Variants in ZNF444 observed in about 807,000 individuals in gnomAD.
The protein encoded by ZNF444 is endothelial zinc finger protein 2.
In ZNF444, 8 loss-of-function variants were observed where a neutral mutation model predicts 14.4. That is an observed-to-expected ratio of 0.56 (90% CI 0.33 to 1.00). The LOEUF (loss-of-function observed/expected upper bound fraction) is 1.00. Among genes scored for constraint, ZNF444 ranks in the 50% least tolerant of loss-of-function variants. The probability of loss-of-function intolerance (pLI) is 0.03; values close to 1 mark genes in which losing one functional copy is unlikely to be tolerated. For missense variants in ZNF444, 510 were observed against 504.8 expected (o/e 1.01, Z -0.10); for synonymous variants, 258 against 235.9 (o/e 1.09, Z -0.86).
chr19:56,158,760 T>C (rs2032065006), intron 4 of ZNF444, among the ~76,000 whole-genome samples, 158 bp downstream of exon 4: 1 of 151,916 alleles, frequency 6.6e-6, no homozygotes. Context: ...GCATTGGGGG[T>C]ATGGGTGGGC....
In ZNF444 at chr19:56,160,273, A is replaced by C; in HGVS notation, c.*72A>C. ...GCGGTACCTGCTCTCTCCCAGCGCC[A>C]CTTGGCCTCTTCCTCTCCTCCTTCC... On this transcript the variant is annotated 3_prime_UTR_variant, in exon 5 of 5. Coordinates refer to ENST00000337080, the MANE Select transcript of ZNF444 (RefSeq NM_018337.4). 1 of 1,266,614 alleles carries C rather than the reference A, an allele frequency of 7.9e-7. No homozygotes were observed. The highest frequency in any genetic ancestry group is 3.1e-5 in the East Asian group (1 of 31,834). 78.5% of individuals were successfully genotyped at this position (1,266,614 alleles called of 1,614,324 possible).
At position 56,144,145 on chromosome 19, in the gene ZNF444, C is replaced by T. The variant is rs998052999; in HGVS notation, c.-196-2102C>T. 6.6e-6 allele frequency among the ~76,000 whole-genome samples: 1 copy of T among 151,924 alleles called. No homozygotes were observed. Among genetic ancestry groups the T allele is most frequent in the Admixed American group, 6.6e-5 (1 of 15,236 alleles). ...GCAATATAGTGAGACCCTGTCTCTA[C>T]AAAAAATATAAAAATTAGCTGGGTG... On this transcript the variant is annotated intron_variant, in intron 1 of 4. Transcript: ENST00000337080. This position sits in a 1 kb window ranked among gnomAD's most constrained non-coding sequence, Gnocchi z 4.0.
chr19:56,141,030 T>C (rs945233242), upstream of ZNF444: 1 of 152,174 alleles, frequency 6.6e-6, no homozygotes, highest in South Asian at 2.1e-4. Context: ...CCAAATAGGC[T>C]GCAGACGACG....
exon 1 of ZNF444, chr19:56,132,766 CT>C (rs1342346743): frequency 6.6e-6 from 1 of 152,130 alleles, no homozygotes; most frequent in Non-Finnish European, 1.5e-5. Context: ...TCTTCTCTGC[CT>C]TGGCAGTGAG....
intron 1 of ZNF444, chr19:56,143,274 T>A (rs1490900359): frequency 6.6e-6 from 1 of 152,292 alleles, no homozygotes. Context: ...CCCAGAGAGC[T>A]CACTTTCTGG....
chr19:56,140,464 T>C (rs1239290936), upstream of ZNF444, among the ~76,000 whole-genome samples: 1 of 152,122 alleles, frequency 6.6e-6, no homozygotes, highest in Non-Finnish European at 1.5e-5. Context: ...CGAGGACGCG[T>C]GGCAGGTAGC....
intron 1 of ZNF444, chr19:56,141,585 A>G (rs2030811636): frequency 9.9e-6 from 1 of 101,276 alleles, no homozygotes; most frequent in East Asian, 3.3e-4. Flanking sequence ...GGGGTCGTGG[A>G]TCCTCGAGGT....
intron 4 of ZNF444, among the ~76,000 whole-genome samples, chr19:56,159,337 T>A (rs552558931): frequency 1.3e-5 from 2 of 150,782 alleles, no homozygotes; most frequent in African/African-American, 4.9e-5. Flanking sequence ...CCATCATCGG[T>A]CCATTCATCA....
chr19:56,158,708 C>T, intron 4 of ZNF444, 106 bp downstream of exon 4: 1 of 1,066,420 alleles, frequency 9.4e-7, no homozygotes, highest in South Asian at 1.8e-5. Context: ...AGACTTGGAC[C>T]CCAGCCCTTG....
At chr19:56,134,407 G>C (rs984020378) in intron 1 of ZNF444, among the ~76,000 whole-genome samples, 11 of 152,162 alleles carry the variant, frequency 7.2e-5, no homozygotes, top group African/African-American at 2.4e-4. Context: ...CAGGAGCTGG[G>C]TACAGCAGGC....
chr19:56,139,208 G>C (rs1245752235), upstream of ZNF444, among the ~76,000 whole-genome samples: 1 of 152,116 alleles, frequency 6.6e-6, no homozygotes, highest in Non-Finnish European at 1.5e-5. Flanking sequence ...TTGGCGCTGT[G>C]TGGAGCAGGA....
intron 4 of ZNF444, 147 bp from the exon 5 acceptor site, chr19:56,159,477 G>A: frequency 1.6e-6 from 1 of 631,276 alleles, no homozygotes; most frequent in Non-Finnish European, 2.5e-6. Context: ...CGGGACACAG[G>A]TATGAATAAG....
At position 56,160,217 on chromosome 19, in the gene ZNF444, C is replaced by A; in HGVS notation, c.*16C>A. On this transcript the variant is annotated 3_prime_UTR_variant, in exon 5 of 5. Transcript: ENST00000337080. ...CTTGGGTTAGCCGCCTCCCGGCCAG[C>A]GCCATCTCCCGCCCTTGGTGCTGCC... is the stretch of plus-strand genomic sequence containing the variant. 1 of 1,420,074 alleles carries A rather than the reference C, an allele frequency of 7.0e-7. No individual in the cohort carries two copies. The highest frequency in any genetic ancestry group is 9.1e-7 in the Non-Finnish European group (1 of 1,099,230). The allele number at this position is 1,420,074 out of a possible 1,614,324, so 88.0% of individuals were successfully genotyped here.
At position 56,145,622 on chromosome 19, in the gene ZNF444, G is replaced by C. The variant is rs969820881; in HGVS notation, c.-196-625G>C. Among the ~76,000 whole-genome samples, 10 of 152,004 alleles carry C rather than the reference G, an allele frequency of 6.6e-5. No individual in the cohort carries two copies. The highest frequency in any genetic ancestry group is 2.4e-4 in the African/African-American group (10 of 41,366). ...TAAAAAAAAAAATAGAGACAGGAGA[G>C]CTCGCTGCCTCTCTCTATTCTACGC... On this transcript the variant is annotated intron_variant, in intron 1 of 4. Coordinates refer to ENST00000337080, the MANE Select transcript of ZNF444 (RefSeq NM_018337.4). This position sits in a 1 kb window ranked among gnomAD's most constrained non-coding sequence, Gnocchi z 4.3.
intron 1 of ZNF444, among the ~76,000 whole-genome samples, chr19:56,143,820 G>T (rs986228248): frequency 6.6e-6 from 1 of 152,188 alleles, no homozygotes; most frequent in Non-Finnish European, 1.5e-5. Context: ...CTTAGCAACT[G>T]GGGGAAGGGC....
chr19:56,142,974 C>T (rs146350763), intron 1 of ZNF444, among the ~76,000 whole-genome samples: 121 of 152,270 alleles, frequency 7.9e-4, no homozygotes, highest in African/African-American at 2.7e-3. Context: ...CTCCCCAGCT[C>T]ACAGGTCTGT....
chr19:56,145,677 C>T lies in ZNF444; in HGVS notation c.-196-570C>T, dbSNP rs1600011424. ...GGAGGACACAAAAGGAGGCCGTCGG[C>T]AGCCTGGAAGAGGTGCTCACCAGAA... On this transcript the variant is annotated intron_variant, in intron 1 of 4. Transcript: ENST00000337080. This position sits in a 1 kb window ranked among gnomAD's most constrained non-coding sequence, Gnocchi z 4.3. 6.6e-6 allele frequency among the ~76,000 whole-genome samples: 1 copy of T among 152,232 alleles called. No homozygotes were observed.
At position 56,145,116 on chromosome 19, in the gene ZNF444, G is replaced by A. The variant is rs1047235506; in HGVS notation, c.-196-1131G>A. Among the ~76,000 whole-genome samples the A allele has an allele frequency of 1.3e-5, 2 of 152,180 alleles. No homozygotes were observed. The highest frequency in any genetic ancestry group is 4.8e-5 in the African/African-American group (2 of 41,448). On this transcript the variant is annotated intron_variant, in intron 1 of 4. Transcript: ENST00000337080. This position sits in a 1 kb window ranked among gnomAD's most constrained non-coding sequence, Gnocchi z 4.3. The stretch of plus-strand genomic sequence containing the variant: ...GTAAAACAGGCTGCAGGCCAGATTC[G>A]GCCCACCAGCTCAGAGACCACCATT...
chr19:56,136,081 C>CAAAAAAAA (rs1199112916), intron 1 of ZNF444, among the ~76,000 whole-genome samples: 38 of 59,398 alleles, frequency 6.4e-4, no homozygotes, highest in Admixed American at 1.2e-3. Context: ...GATTCCGTCT[C>CAAAAAAAA]AAAAAAAAAA....
Sources: gnomAD v4.1 joint callset for allele counts (sites outside exome capture counted in the v4.1 genomes callset) on GRCh38, gnomAD v4.1.1 for gene constraint, Gnocchi (gnomAD v3.1) non-coding constraint, MANE v1.5 for transcripts, NCBI Gene and HGNC (gene_info 2026-07-23, HGNC 2026-07-21) for gene names.